Variants in SYNE1 observed in about 807,000 individuals in gnomAD.
SYNE1 encodes spectrin repeat containing nuclear envelope protein 1, also known as nesprin-1.
In SYNE1, 616 loss-of-function variants were observed where a neutral mutation model predicts 1,111.0. That is an observed-to-expected ratio of 0.55 (90% CI 0.52 to 0.59). The LOEUF (loss-of-function observed/expected upper bound fraction) is 0.59. Ranked by LOEUF, SYNE1 falls within the 20% of genes least tolerant of loss-of-function variation. The probability of loss-of-function intolerance (pLI) is 0.00; values close to 1 mark genes in which losing one functional copy is unlikely to be tolerated. For missense variants in SYNE1, 10,006 were observed against 10,417.0 expected, an observed-to-expected ratio of 0.96 and a Z score of 1.72; for synonymous variants, 3,855 against 3,825.8, an observed-to-expected ratio of 1.01 and a Z score of -0.28.
intron 128 of SYNE1, among the ~76,000 whole-genome samples, chr6:152,187,146 C>T (rs764805783): frequency 2.5e-4 from 38 of 152,112 alleles, no homozygotes; most frequent in Non-Finnish European, 4.4e-4. Context: ...AAATCATTAA[C>T]ATGTTGGTAA....
At chr6:152,409,957 A>G (rs1019557596) in intron 42 of SYNE1, among the ~76,000 whole-genome samples, 62 of 152,210 alleles carry the variant, frequency 4.1e-4, no homozygotes, top group Non-Finnish European at 1.0e-4. Flanking sequence ...ATTGAAACAA[A>G]ATCTATGAAC....
chr6:152,557,407 A>T (rs2099370405), intron 3 of SYNE1, among the ~76,000 whole-genome samples: 1 of 152,166 alleles, frequency 6.6e-6, no homozygotes, highest in South Asian at 2.1e-4. Context: ...TTTAAAAAAA[A>T]TAATGTTAGA....
At chr6:152,538,440 A>G (rs1007183156) in intron 4 of SYNE1, among the ~76,000 whole-genome samples, 1 of 152,152 alleles carries the variant, frequency 6.6e-6, no homozygotes, top group African/African-American at 2.4e-5. Context: ...ACAATATCCT[A>G]TAAAACCACT....
intron 70 of SYNE1, among the ~76,000 whole-genome samples, chr6:152,351,503 A>G (rs1378699095): frequency 6.6e-6 from 1 of 152,232 alleles, no homozygotes; most frequent in African/African-American, 2.4e-5. Context: ...ACCTGTGTCT[A>G]TGTCATGTAT....
At chr6:152,188,416 A>T (rs1296024019) in intron 128 of SYNE1, among the ~76,000 whole-genome samples, 1 of 152,086 alleles carries the variant, frequency 6.6e-6, no homozygotes, top group Non-Finnish European at 1.5e-5. Flanking sequence ...AATCTGGGAT[A>T]TTTTTTTAAA....
chr6:152,569,094 C>A (rs1008518088), intron 3 of SYNE1, among the ~76,000 whole-genome samples: 1 of 152,092 alleles, frequency 6.6e-6, no homozygotes, highest in African/African-American at 2.4e-5. Context: ...CCTTAAAGTG[C>A]CCAGAGCAGC....
chr6:152,409,446 A>G lies in SYNE1; in HGVS notation c.6381+113T>C, dbSNP rs1383599614. The stretch of plus-strand genomic sequence containing the variant: ...GGGAAAAAAAGTTGAGCTCATTAGC[A>G]TGAATTACCCACATCTAAGTATACT... On this transcript the variant is annotated intron_variant, in intron 43 of 145. Transcript: ENST00000367255. The G allele has an allele frequency of 2.8e-6, 4 of 1,428,566 alleles. No homozygotes were observed. The East Asian group carries it at 7.2e-5, about 26-fold the overall frequency. 88.5% of individuals were successfully genotyped at this position (1,428,566 alleles called of 1,614,324 possible).
intron 3 of SYNE1, among the ~76,000 whole-genome samples, chr6:152,566,947 TACG>T (rs1264419284): frequency 2.0e-5 from 3 of 151,928 alleles, no homozygotes; most frequent in Admixed American, 6.6e-5. Flanking sequence ...AAATAATTAC[TACG>T]GCCAAGAAAA....
chr6:152,293,881 C>G, intron 94 of SYNE1, 79 bp downstream of exon 94: 2 of 1,610,286 alleles, frequency 1.2e-6, no homozygotes, highest in Non-Finnish European at 1.7e-6. Flanking sequence ...TATGTAAACT[C>G]TCTGCATGTA....
chr6:152,447,635 AAC>A lies in SYNE1; in HGVS notation c.3505-15_3505-14del, dbSNP rs751181673. ...CATTTCTGATCTCCTGAAATGAGAGAACACTTTTGATGAACACAGTGCAATTG... is the reference window on the plus strand; with the variant it reads ...CATTTCTGATCTCCTGAAATGAGAGAACTTTTGATGAACACAGTGCAATTG... On this transcript the variant is annotated splice_polypyrimidine_tract_variant and intron_variant, in intron 28 of 145. Coordinates refer to ENST00000367255, the MANE Select transcript of SYNE1 (RefSeq NM_182961.4). 1 of 1,614,126 alleles carries A rather than the reference AAC, an allele frequency of 6.2e-7. No individual in the cohort carries two copies. Among genetic ancestry groups the A allele is most frequent in the Non-Finnish European group, 8.5e-7 (1 of 1,179,980 alleles).
chr6:152,330,985 A>C lies in SYNE1; in HGVS notation c.13700T>G (p.Phe4567Cys). Residue 4567 changes from phenylalanine to cysteine, a missense_variant, in exon 78 of 146, where the codon TTT becomes TGT. Physicochemically the swap from Phe to Cys is radical, Grantham distance 205 (BLOSUM62 -2). This residue lies in a region of SYNE1 where 4,955 missense variants were observed against 5,017.2 expected (regional missense o/e 0.99). Transcript: ENST00000367255. ...GCAAGCTTTATCAAAATCTTCCTTA[A>C]AATGCTTCCTAGAAACCAAATTCTT... The part of the protein sequence containing the change: ...LEKNLVSRKH[F>C]KEDFDKACHW... 1.2e-6 allele frequency: 2 copies of C among 1,614,174 alleles called. No individual in the cohort carries two copies. Among genetic ancestry groups the C allele is most frequent in the Non-Finnish European group, 1.7e-6 (2 of 1,180,034 alleles).
chr6:152,451,866 G>T (rs1226173664), intron 25 of SYNE1, among the ~76,000 whole-genome samples: 1 of 152,026 alleles, frequency 6.6e-6, no homozygotes, highest in Non-Finnish European at 1.5e-5. Flanking sequence ...TTTTACCATA[G>T]ATTTAAATCA....
At chr6:152,278,426 G>T in intron 97 of SYNE1, 146 bp from the exon 98 acceptor site, 1 of 815,634 alleles carries the variant, frequency 1.2e-6, no homozygotes, top group South Asian at 1.4e-5. Context: ...CGGCCTTGAC[G>T]AGTAAGTAGT....
chr6:152,279,147 C>CTT (rs59520598), intron 97 of SYNE1, among the ~76,000 whole-genome samples: 1,279 of 112,638 alleles, frequency 0.011, 22 homozygotes, highest in Middle Eastern at 0.028. Context: ...CTTTTCTTTT[C>CTT]TTTTTTTTTT....
chr6:152,530,923 G>A (rs115201593), intron 4 of SYNE1, among the ~76,000 whole-genome samples: 1,654 of 152,112 alleles, frequency 0.011, 31 homozygotes, highest in African/African-American at 0.038. Context: ...ACATCCCGCC[G>A]TGTGATGAAA....
intron 125 of SYNE1, among the ~76,000 whole-genome samples, chr6:152,207,506 G>A (rs934163769): frequency 1.3e-5 from 2 of 152,162 alleles, no homozygotes; most frequent in Non-Finnish European, 2.9e-5. Flanking sequence ...ACACTGGGGA[G>A]AACTCACTAG....
At chr6:152,554,259 T>C (rs2099357743) in intron 3 of SYNE1, among the ~76,000 whole-genome samples, 1 of 151,844 alleles carries the variant, frequency 6.6e-6, no homozygotes, top group Non-Finnish European at 1.5e-5. Flanking sequence ...ATGAGATCAG[T>C]AGTTCTCATT....
Position 152,617,107 on chromosome 6 carries a change from G to A in SYNE1, c.67+11158C>T, listed in dbSNP as rs562025039. The stretch of plus-strand genomic sequence containing the variant: ...CCCTCAAATATCTACTTAGGAACTC[G>A]GTTTGCCACTTAACCACTCTAGAAC... On this transcript the variant is annotated intron_variant, in intron 3 of 145. Coordinates refer to ENST00000367255, the MANE Select transcript of SYNE1 (RefSeq NM_182961.4). 1.2e-4 allele frequency among the ~76,000 whole-genome samples: 18 copies of A among 152,154 alleles called. No individual in the cohort carries two copies. The South Asian group carries it at 3.3e-3, about 28-fold the overall frequency.
chr6:152,297,774 TCTCA>T (rs1343541700), intron 93 of SYNE1, among the ~76,000 whole-genome samples: 11 of 138,434 alleles, frequency 7.9e-5, no homozygotes, highest in Admixed American at 1.5e-4. Flanking sequence ...TTTCTGGCAG[TCTCA>T]CTCTGTGTGT....
Sources: gnomAD v4.1 joint callset for allele counts (sites outside exome capture counted in the v4.1 genomes callset) on GRCh38, gnomAD v4.1.1 for gene constraint, gnomAD v4.1.1 regional missense constraint, MANE v1.5 for transcripts, NCBI Gene and HGNC (gene_info 2026-07-23, HGNC 2026-07-21) for gene names.